Variants in LAMA1 observed in about 807,000 individuals in gnomAD.
LAMA1 encodes the protein laminin subunit alpha-1.
A neutral mutation model predicts 348.7 loss-of-function variants in LAMA1; 219 were observed. The ratio of observed to expected loss-of-function variants is 0.63; its 90% CI spans 0.56 to 0.70. The LOEUF is 0.70. LAMA1 is among the 30% of genes least tolerant of loss of function. LAMA1 has a pLI of 0.00. For missense variants in LAMA1, 3,744 were observed against 3,888.0 expected (o/e 0.96, Z 0.99); for synonymous variants, 1,487 against 1,491.0 (o/e 1.00, Z 0.06).
chr18:7,054,710 C>T (rs1052686529), intron 3 of LAMA1, among the ~76,000 whole-genome samples: 15 of 152,070 alleles, frequency 9.9e-5, no homozygotes, highest in Non-Finnish European at 2.2e-4. Context: ...TTTTTGTGTG[C>T]TTCTGCCACC....
In LAMA1 at chr18:7,093,224, G is replaced by T. The variant is rs186808841; in HGVS notation, c.62-12767C>A. Among the ~76,000 whole-genome samples, 144 of 152,250 alleles carry T rather than the reference G, an allele frequency of 9.5e-4. 1 individual carries two copies. The East Asian group carries it at 0.021, about 22-fold the overall frequency. Reference sequence around the variant, plus strand: ...GAGGTCAGGATATCAAGACCATCCTGGCTAACACGGTGAAACCCCGTCTCT... The same window carrying T: ...GAGGTCAGGATATCAAGACCATCCTTGCTAACACGGTGAAACCCCGTCTCT... On this transcript the variant is annotated intron_variant, in intron 1 of 62. Transcript: ENST00000389658.
chr18:6,990,188 A>G (rs1160697260), intron 36 of LAMA1, among the ~76,000 whole-genome samples: 1 of 152,196 alleles, frequency 6.6e-6, no homozygotes, highest in Non-Finnish European at 1.5e-5. Flanking sequence ...GCATATTCAG[A>G]AAATAAACTT....
intron 1 of LAMA1, among the ~76,000 whole-genome samples, chr18:7,109,165 A>G (rs1269483102): frequency 6.6e-6 from 1 of 152,156 alleles, no homozygotes; most frequent in Non-Finnish European, 1.5e-5. Flanking sequence ...AGGACCACAT[A>G]CCCAGAGAGG....
intron 3 of LAMA1, among the ~76,000 whole-genome samples, chr18:7,058,854 T>C (rs950381970): frequency 2.6e-5 from 4 of 152,202 alleles, no homozygotes; most frequent in Admixed American, 2.0e-4. Context: ...TTATATGTAA[T>C]GTAGAAAAAC....
rs1568043268 is a variant in LAMA1 at position 7,042,244 on chromosome 18, G to GA, written c.1161dup (p.Pro388SerfsTer3). 6.2e-7 allele frequency: 1 copy of GA among 1,602,856 alleles called. No homozygotes were observed. The highest frequency in any genetic ancestry group is 8.5e-7 in the Non-Finnish European group (1 of 1,171,652). The stretch of plus-strand genomic sequence containing the variant: ...GGGCGGCAAGGCTCATCCTCATAAG[G>GA]AGACACCTGAAAGGCAGAGGTTGCC... On this transcript the variant is annotated frameshift_variant, in exon 9 of 63. Transcript: ENST00000389658. LOFTEE classifies it high-confidence loss of function.
intron 17 of LAMA1, among the ~76,000 whole-genome samples, chr18:7,025,229 T>C (rs1426332413): frequency 1.3e-5 from 2 of 152,234 alleles, no homozygotes; most frequent in Non-Finnish European, 2.9e-5. Context: ...CCATGCCTTC[T>C]GTTCCATGGC....
chr18:7,099,133 T>C (rs1187092142), intron 1 of LAMA1, among the ~76,000 whole-genome samples: 1 of 151,814 alleles, frequency 6.6e-6, no homozygotes, highest in Non-Finnish European at 1.5e-5. Flanking sequence ...AGATAAATTC[T>C]TCTGCCTTGG....
intron 3 of LAMA1, among the ~76,000 whole-genome samples, chr18:7,066,043 A>G (rs1483658554): frequency 6.6e-6 from 1 of 152,180 alleles, no homozygotes; most frequent in Non-Finnish European, 1.5e-5. Context: ...TCATCTCACC[A>G]AAACCAATGC....
chr18:6,968,291 C>T (rs1432054687), intron 48 of LAMA1, among the ~76,000 whole-genome samples: 1 of 152,182 alleles, frequency 6.6e-6, no homozygotes, highest in South Asian at 2.1e-4. Context: ...CCTGATTCTC[C>T]GAGGGCTCCC....
intron 43 of LAMA1, 143 bp from the exon 44 acceptor site, chr18:6,978,024 T>C: frequency 2.4e-6 from 3 of 1,265,216 alleles, no homozygotes; most frequent in East Asian, 4.7e-5. Context: ...AGATGAAAAC[T>C]GCACAAGTAG....
chr18:6,995,292 A>G (rs1313561807), intron 34 of LAMA1, 65 bp downstream of exon 34: 3 of 1,076,392 alleles, frequency 2.8e-6, no homozygotes, highest in Non-Finnish European at 2.9e-6. Context: ...GCCCCAAGGC[A>G]ACTGCTCAGG....
In LAMA1 at chr18:7,029,549, G is replaced by GA. The variant is rs199540759; in HGVS notation, c.2274+2516dup. Among the ~76,000 whole-genome samples the GA allele has an allele frequency of 6.6e-3, 1,000 of 152,210 alleles. 4 individuals carry two copies. The highest frequency in any genetic ancestry group is 0.061 in the Middle Eastern group (18 of 294). On this transcript the variant is annotated intron_variant, in intron 16 of 62. Coordinates refer to ENST00000389658, the MANE Select transcript of LAMA1 (RefSeq NM_005559.4). ...GGGGAAACTAGTATGTAGTTCTGTT[G>GA]AAAAACCCACTGAGGGTCTGTTTCA... is the stretch of plus-strand genomic sequence containing the variant.
chr18:7,010,100 C>A (rs2057852692), intron 26 of LAMA1, 100 bp downstream of exon 26: 5 of 1,374,684 alleles, frequency 3.6e-6, no homozygotes, highest in Non-Finnish European at 5.2e-6. Context: ...AGCCACCGTA[C>A]CTGGCTGCTC....
Position 6,985,275 on chromosome 18 carries a change from A to G in LAMA1, c.5622T>C (p.His1874=), listed in dbSNP as rs1257642034. The part of the protein sequence containing the change: ...AVDLVYRAED[H]AAEFQRLADV... ...CTGCTAGTCTCTGGAACTCAGCGGC[A>G]TGGTCCTCAGCTCTGTAGACCAGGT... Residue 1874 remains histidine, a synonymous_variant, in exon 39 of 63, where the codon CAT becomes CAC. Coordinates refer to ENST00000389658, the MANE Select transcript of LAMA1 (RefSeq NM_005559.4). 6.2e-7 allele frequency: 1 copy of G among 1,614,080 alleles called. No homozygotes were observed. Among genetic ancestry groups the G allele is most frequent in the East Asian group, 2.2e-5 (1 of 44,886 alleles).
At chr18:7,034,281 C>T (rs2057984246) in intron 14 of LAMA1, among the ~76,000 whole-genome samples, 198 bp downstream of exon 14, 1 of 152,154 alleles carries the variant, frequency 6.6e-6, no homozygotes, top group African/African-American at 2.4e-5. Flanking sequence ...ACTGGATACA[C>T]TTGATGTGGA....
At chr18:7,101,607 C>G (rs956045531) in intron 1 of LAMA1, among the ~76,000 whole-genome samples, 1 of 152,158 alleles carries the variant, frequency 6.6e-6, no homozygotes, top group Non-Finnish European at 1.5e-5. Flanking sequence ...AACCAATCCT[C>G]GTGTACCTCC....
intron 1 of LAMA1, among the ~76,000 whole-genome samples, chr18:7,086,919 C>T (rs369106847): frequency 0.015 from 991 of 66,774 alleles, 8 homozygotes; most frequent in African/African-American, 0.049. Context: ...TAAATCTGCC[C>T]ACCATGATCT....
At chr18:7,079,434 C>T (rs2058183898) in intron 3 of LAMA1, 1 of 169,366 alleles carries the variant, frequency 5.9e-6, no homozygotes, top group Non-Finnish European at 1.3e-5. Flanking sequence ...TCCCTCTCCC[C>T]ACTCATGCTG....
At chr18:6,994,696 CACAT>C (rs572467191) in intron 34 of LAMA1, among the ~76,000 whole-genome samples, 5,819 of 118,872 alleles carry the variant, frequency 0.049, 143 homozygotes, top group Non-Finnish European at 0.071. Flanking sequence ...CACACACACA[CACAT>C]ACAAAATTCA....
Sources: gnomAD v4.1 joint callset for allele counts (sites outside exome capture counted in the v4.1 genomes callset) on GRCh38, gnomAD v4.1.1 for gene constraint, MANE v1.5 for transcripts, NCBI Gene and HGNC (gene_info 2026-07-23, HGNC 2026-07-21) for gene names.